Variants in IST1 observed in about 807,000 individuals in gnomAD.
The protein encoded by IST1 is IST1 homolog.
IST1 carries 23 observed loss-of-function variants against 37.0 expected under a neutral mutation model. The ratio of observed to expected loss-of-function variants is 0.62; its 90% confidence interval spans 0.45 to 0.88. IST1 has a LOEUF of 0.88. IST1 is among the 40% of genes least tolerant of loss of function. The pLI, the probability that IST1 is intolerant of heterozygous loss-of-function variation, is 0.00. For synonymous variants in IST1, 180 were observed against 161.7 expected, an observed-to-expected ratio of 1.11 and a Z score of -0.86; for missense variants, 488 against 445.4, an observed-to-expected ratio of 1.10 and a Z score of -0.86.
chr16:71,906,000 T>C (rs2037215002), intron 1 of IST1, among the ~76,000 whole-genome samples: 1 of 144,884 alleles, frequency 6.9e-6, no homozygotes, highest in Non-Finnish European at 1.5e-5. Context: ...TCTTAAGCAA[T>C]TCTTTTTTTT....
At chr16:71,901,098 T>C (rs1246606048) in intron 1 of IST1, among the ~76,000 whole-genome samples, 10 of 152,358 alleles carry the variant, frequency 6.6e-5, no homozygotes, top group Non-Finnish European at 1.2e-4. Context: ...TATTAACTTT[T>C]AGGTTATTAT....
chr16:71,913,275 T>G (rs2037397985), intron 1 of IST1, among the ~76,000 whole-genome samples: 1 of 150,624 alleles, frequency 6.6e-6, no homozygotes, highest in Non-Finnish European at 1.5e-5. Context: ...TACTTGAAAT[T>G]TTCTTTTTTT....
chr16:71,910,433 C>T (rs1448107705), intron 1 of IST1, among the ~76,000 whole-genome samples: 2 of 151,786 alleles, frequency 1.3e-5, no homozygotes, highest in Non-Finnish European at 2.9e-5. Context: ...GGTGAAACCC[C>T]GTCTCTACTA....
intron 8 of IST1, chr16:71,924,008 T>G (rs1466798445): frequency 9.7e-6 from 4 of 413,470 alleles, no homozygotes; most frequent in African/African-American, 2.1e-5. Flanking sequence ...TGGTGTGGCA[T>G]TTGCTATGTA....
At position 71,895,574 on chromosome 16, in the gene IST1, G is replaced by A. The variant is rs16973481; in HGVS notation, c.-31G>A. ...TGAAGTCGGTGTCTGCTGCGTTCAC[G>A]GCAGGATTCGGTTAGGTGAGTGTGG... is the stretch of plus-strand genomic sequence containing the variant. On this transcript the variant is annotated 5_prime_UTR_variant, in exon 1 of 10. Coordinates refer to ENST00000378799, the MANE Select transcript of IST1 (RefSeq NM_001270975.2). The A allele has an allele frequency of 0.015, 14,784 of 985,104 alleles. 203 individuals carry two copies. The highest frequency in any genetic ancestry group is 0.13 in the East Asian group (1,137 of 8,804). The allele number at this position is 985,104 out of a possible 1,614,324, so 61.0% of individuals were successfully genotyped here.
chr16:71,906,866 AT>A (rs1395759811), intron 1 of IST1, among the ~76,000 whole-genome samples: 2 of 151,932 alleles, frequency 1.3e-5, no homozygotes, highest in Non-Finnish European at 2.9e-5. Flanking sequence ...TGCTTTCAAT[AT>A]TTTAAAAAAT....
chr16:71,898,388 A>AG (rs2037025566), intron 1 of IST1, among the ~76,000 whole-genome samples: 2 of 143,580 alleles, frequency 1.4e-5, no homozygotes, highest in African/African-American at 5.2e-5. Flanking sequence ...AAAAAAAAAA[A>AG]GAAACTCTCT....
At chr16:71,926,312 C>T (rs950295039) in intron 9 of IST1, among the ~76,000 whole-genome samples, 4 of 151,100 alleles carry the variant, frequency 2.6e-5, no homozygotes, top group Non-Finnish European at 2.9e-5. Flanking sequence ...AGACAGTTGT[C>T]TTATGGAGAT....
rs1480535908 is a variant in IST1 at position 71,930,141 on chromosome 16, T to G, written c.*2328T>G. 1.3e-6 allele frequency: 2 copies of G among 1,551,610 alleles called. No individual in the cohort carries two copies. On this transcript the variant is annotated 3_prime_UTR_variant, in exon 10 of 10. Coordinates refer to ENST00000378799, the MANE Select transcript of IST1 (RefSeq NM_001270975.2). ...ACAAGTACCATCAAGATGACACTGG[T>G]GAGGATCAGAAAGGTGCCCAGGACT...
At chr16:71,905,670 G>A (rs562683561) in intron 1 of IST1, among the ~76,000 whole-genome samples, 39 of 152,254 alleles carry the variant, frequency 2.6e-4, no homozygotes, top group Middle Eastern at 6.8e-3. Context: ...GTGAGCCACC[G>A]CACCCAGTCG....
At chr16:71,897,930 C>T (rs1293167320) in intron 1 of IST1, among the ~76,000 whole-genome samples, 1 of 152,108 alleles carries the variant, frequency 6.6e-6, no homozygotes. Flanking sequence ...GCCTGGGCGA[C>T]AGAGTGAGAA....
intron 8 of IST1, chr16:71,924,297 T>TC: frequency 9.8e-6 from 4 of 409,974 alleles, no homozygotes; most frequent in South Asian, 7.2e-5. Flanking sequence ...GATTTTTTTT[T>TC]CTCTGCTTGG....
intron 8 of IST1, 112 bp from the exon 9 acceptor site, chr16:71,924,657 G>A: frequency 1.3e-6 from 1 of 797,894 alleles, no homozygotes; most frequent in Admixed American, 1.8e-5. Context: ...TTTGGAACAG[G>A]CTCTGTTGCA....
intron 4 of IST1, among the ~76,000 whole-genome samples, chr16:71,919,973 T>C (rs1176654424): frequency 6.6e-6 from 1 of 152,200 alleles, no homozygotes; most frequent in Non-Finnish European, 1.5e-5. Context: ...GATGGAACAA[T>C]GGCGAGCGCA....
intron 2 of IST1, 88 bp from the exon 3 acceptor site, chr16:71,916,374 C>G (rs528698833): frequency 7.8e-7 from 1 of 1,279,506 alleles, no homozygotes; most frequent in Non-Finnish European, 1.1e-6. Context: ...GTAGAAACAC[C>G]CAGTTCTTCC....
At position 71,922,611 on chromosome 16, in the gene IST1, G is replaced by A. The variant is rs2037628024; in HGVS notation, c.690G>A (p.Met230Ile). ...GTGGACCTGATGGAACGGTGCCAAT[G>A]CCCATGCCCATGCCCATGCCTATGC... Reference protein sequence around the residue: ...PVGGPDGTVPMPMPMPMPMPS... With the variant: ...PVGGPDGTVPIPMPMPMPMPS... The change falls in exon 7 of 10, where the codon ATG becomes ATA. Residue 230 changes from methionine (M) to isoleucine (I), a missense_variant. Met to Ile is a conservative substitution (Grantham distance 10). This residue lies in a region of IST1 where 455 missense variants were observed against 386.2 expected (regional missense o/e 1.18). Transcript: ENST00000378799. The A allele has an allele frequency of 1.4e-6, 1 of 705,912 alleles. No homozygotes were observed. Among genetic ancestry groups the A allele is most frequent in the Non-Finnish European group, 1.9e-6 (1 of 518,780 alleles). The allele number at this position is 705,912 out of a possible 1,614,324, so 43.7% of individuals were successfully genotyped here.
rs371875975 is a variant in IST1 at position 71,920,700 on chromosome 16, G to A, written c.358-39G>A. On this transcript the variant is annotated intron_variant, in intron 4 of 9. Coordinates refer to ENST00000378799, the MANE Select transcript of IST1 (RefSeq NM_001270975.2). ...AAGAAGCTTAAAGCAGTCCGTTGGA[G>A]TGGTCTCTATTTTTATTTGCTGTCC... 386 of 1,423,168 alleles carry A rather than the reference G, an allele frequency of 2.7e-4. 1 individual carries two copies. The highest frequency in any genetic ancestry group is 3.7e-4 in the Non-Finnish European group (374 of 1,006,426). The allele number at this position is 1,423,168 out of a possible 1,614,324, so 88.2% of individuals were successfully genotyped here. A position where few individuals can be genotyped will look rare whatever the true frequency, so the allele number is the denominator to read the frequency against.
intron 1 of IST1, among the ~76,000 whole-genome samples, chr16:71,895,901 C>T (rs920633740): frequency 2.8e-4 from 42 of 152,356 alleles, no homozygotes; most frequent in African/African-American, 4.8e-5. Flanking sequence ...GGTGTGTCTT[C>T]CTTGGGGCGG....
chr16:71,911,080 A>C (rs557197318), intron 1 of IST1, among the ~76,000 whole-genome samples: 6 of 152,096 alleles, frequency 3.9e-5, no homozygotes, highest in Non-Finnish European at 8.8e-5. Flanking sequence ...TCTCTACTAA[A>C]AATACAAAAA....
Sources: allele counts gnomAD v4.1 joint callset (sites outside exome capture counted in the v4.1 genomes callset), GRCh38; gene constraint gnomAD v4.1.1; regional missense constraint gnomAD v4.1.1; transcripts MANE v1.5; gene names NCBI Gene and HGNC (gene_info 2026-07-23, HGNC 2026-07-21).